KCNB2: variants seen among roughly 807,000 people sequenced by gnomAD.
KCNB2 encodes potassium voltage-gated channel subfamily B member 2, also known as delayed rectifier potassium channel protein.
In KCNB2, 15 loss-of-function variants were observed where a neutral mutation model predicts 61.5. The observed-to-expected ratio is 0.24, with a 90% CI of 0.16 to 0.38. KCNB2 has a LOEUF of 0.38. KCNB2 is among the 10% of genes least tolerant of loss of function. The probability of loss-of-function intolerance (pLI) is 1.00; values close to 1 mark genes in which losing one functional copy is unlikely to be tolerated. For missense variants in KCNB2, 828 were observed against 1,125.2 expected (o/e 0.74, Z 3.78); for synonymous variants, 457 against 446.0 (o/e 1.02, Z -0.31).
intron 1 of KCNB2, among the ~76,000 whole-genome samples, chr8:72,560,716 A>G (rs1806498166): frequency 6.6e-6 from 1 of 152,218 alleles, no homozygotes; most frequent in Admixed American, 6.5e-5. Flanking sequence ...ATTTTGAAGC[A>G]CACTAAAAAT....
chr8:72,771,784 G>A (rs1236692515), intron 2 of KCNB2, among the ~76,000 whole-genome samples: 1 of 152,098 alleles, frequency 6.6e-6, no homozygotes, highest in Non-Finnish European at 1.5e-5. Flanking sequence ...GGAAAGAGCA[G>A]ACCTTTTGAT....
intron 1 of KCNB2, among the ~76,000 whole-genome samples, chr8:72,549,269 C>T (rs1160889883): frequency 2.6e-5 from 4 of 152,212 alleles, no homozygotes; most frequent in Non-Finnish European, 4.4e-5. Flanking sequence ...AAAGGCAGCA[C>T]TCCCACGCCC....
intron 2 of KCNB2, among the ~76,000 whole-genome samples, chr8:72,746,784 G>A (rs1248225395): frequency 6.6e-6 from 1 of 152,144 alleles, no homozygotes; most frequent in African/African-American, 2.4e-5. Flanking sequence ...GCTAATTTGA[G>A]GTGGAGAGCC....
intron 2 of KCNB2, among the ~76,000 whole-genome samples, chr8:72,777,148 G>A (rs1156541403): frequency 6.6e-6 from 1 of 152,038 alleles, no homozygotes; most frequent in Non-Finnish European, 1.5e-5. Flanking sequence ...TCCTCTTTTT[G>A]TAGTGTACTG....
intron 2 of KCNB2, among the ~76,000 whole-genome samples, chr8:72,934,865 T>A (rs1806869035): frequency 6.6e-6 from 1 of 151,854 alleles, no homozygotes. Context: ...GCCCCATAAA[T>A]CTAGAACACT....
intron 2 of KCNB2, among the ~76,000 whole-genome samples, chr8:72,786,054 G>GA (rs200527792): frequency 0.011 from 1,363 of 121,870 alleles, 16 homozygotes; most frequent in African/African-American, 0.036. Flanking sequence ...ACCCAAAAAC[G>GA]AAAAAAAAAA....
chr8:72,687,227 A>ACT (rs1266154029), intron 2 of KCNB2, among the ~76,000 whole-genome samples: 1 of 152,204 alleles, frequency 6.6e-6, no homozygotes, highest in African/African-American at 2.4e-5. Flanking sequence ...AAACTCAGTT[A>ACT]ATCAATACAG....
intron 2 of KCNB2, among the ~76,000 whole-genome samples, chr8:72,673,458 CTG>C (rs1806599609): frequency 6.6e-6 from 1 of 152,168 alleles, no homozygotes; most frequent in Non-Finnish European, 1.5e-5. Flanking sequence ...TCTGCCATGA[CTG>C]TAAGTTTCCT....
chr8:72,703,547 G>A (rs368159663), intron 2 of KCNB2, among the ~76,000 whole-genome samples: 3 of 152,148 alleles, frequency 2.0e-5, no homozygotes, highest in East Asian at 3.8e-4. Context: ...CATGATCTTC[G>A]ACCAAGTAGC....
At position 72,925,335 on chromosome 8, in the gene KCNB2, T is replaced by G. The variant is rs963271035; in HGVS notation, c.580-10600T>G. On this transcript the variant is annotated intron_variant, in intron 2 of 2. Coordinates refer to ENST00000523207, the MANE Select transcript of KCNB2 (RefSeq NM_004770.3). ...GAAGTTGGAGTGGCAGAAAAATAAT[T>G]CAACAAATGAATATGCTTTCAGGGG... Among the ~76,000 whole-genome samples, 28 of 152,192 alleles carry G rather than the reference T, an allele frequency of 1.8e-4. 1 individual carries two copies. Among genetic ancestry groups the G allele is most frequent in the Admixed American group, 1.3e-3 (20 of 15,278 alleles).
chr8:72,611,545 A>G (rs1258500908), intron 2 of KCNB2, among the ~76,000 whole-genome samples: 2 of 152,156 alleles, frequency 1.3e-5, no homozygotes, highest in Non-Finnish European at 2.9e-5. Flanking sequence ...ATTTTCTATG[A>G]TGAGAAAGAC....
chr8:72,731,509 G>A (rs1208642078), intron 2 of KCNB2, among the ~76,000 whole-genome samples: 5 of 152,208 alleles, frequency 3.3e-5, no homozygotes, highest in African/African-American at 1.2e-4. Flanking sequence ...CAGACAAGAA[G>A]ACAGCAGCTT....
intron 2 of KCNB2, among the ~76,000 whole-genome samples, chr8:72,813,562 C>T (rs1284008191): frequency 1.3e-5 from 2 of 152,110 alleles, no homozygotes; most frequent in Non-Finnish European, 2.9e-5. Context: ...GTCAAATTTA[C>T]TCATTTACCT....
chr8:72,794,342 G>A (rs1298590814), intron 2 of KCNB2, among the ~76,000 whole-genome samples: 1 of 152,072 alleles, frequency 6.6e-6, no homozygotes, highest in Non-Finnish European at 1.5e-5. Flanking sequence ...TGAGGTGGGT[G>A]GATCACGAGG....
At chr8:72,539,240 C>T (rs349358) in intron 1 of KCNB2, among the ~76,000 whole-genome samples, 133,153 of 152,170 alleles carry the variant, frequency 0.88, 58,598 homozygotes, top group African/African-American at 0.96. Context: ...ATTTAATTGC[C>T]GTTTGAGGTG....
chr8:72,589,721 A>T (rs1176588010), intron 2 of KCNB2, among the ~76,000 whole-genome samples: 1 of 151,930 alleles, frequency 6.6e-6, no homozygotes, highest in Non-Finnish European at 1.5e-5. Flanking sequence ...GACTGATTGT[A>T]CTTTCTTTTG....
chr8:72,847,992 G>A (rs1399557740), intron 2 of KCNB2, among the ~76,000 whole-genome samples: 4 of 152,082 alleles, frequency 2.6e-5, no homozygotes, highest in Admixed American at 6.5e-5. Context: ...TCTCCTCACA[G>A]TAGATCACAA....
intron 2 of KCNB2, among the ~76,000 whole-genome samples, chr8:72,918,954 C>G (rs1217832490): frequency 6.6e-6 from 1 of 152,200 alleles, no homozygotes; most frequent in African/African-American, 2.4e-5. Flanking sequence ...CAGTGACCAA[C>G]TCTGCAAACA....
intron 2 of KCNB2, among the ~76,000 whole-genome samples, chr8:72,624,433 C>G (rs971529700): frequency 3.9e-5 from 6 of 152,120 alleles, no homozygotes; most frequent in Non-Finnish European, 8.8e-5. Context: ...AAAAAGATAA[C>G]ATTATGGTTC....
Sources: gnomAD v4.1 joint callset for allele counts (sites outside exome capture counted in the v4.1 genomes callset) on GRCh38, gnomAD v4.1.1 for gene constraint, MANE v1.5 for transcripts, NCBI Gene and HGNC (gene_info 2026-07-23, HGNC 2026-07-21) for gene names.